Variants in TCF7 observed in about 807,000 individuals in gnomAD.
TCF7 encodes the protein T-cell-factor-7.
TCF7 carries 19 observed loss-of-function variants against 46.8 expected under a neutral mutation model. That is an observed-to-expected ratio of 0.41 (90% CI 0.28 to 0.60). The LOEUF is 0.60. TCF7 is among the 20% of genes least tolerant of loss of function. The pLI, the probability that TCF7 is intolerant of heterozygous loss-of-function variation, is 0.35. For missense variants in TCF7, 547 were observed against 504.6 expected (o/e 1.08, Z -0.81); for synonymous variants, 245 against 213.4 (o/e 1.15, Z -1.29).
chr5:134,129,818 T>C (rs1757858157), intron 3 of TCF7, among the ~76,000 whole-genome samples: 1 of 152,158 alleles, frequency 6.6e-6, no homozygotes, highest in African/African-American at 2.4e-5. Flanking sequence ...CTTTATCTGA[T>C]GTCAAGGCCA....
upstream of TCF7, among the ~76,000 whole-genome samples, chr5:134,110,643 AGCCTCCCGGCG>A (rs1163198777): frequency 6.6e-6 from 1 of 152,256 alleles, no homozygotes. Context: ...CCAGCAGCCC[AGCCTCCCGGCG>A]GCTTTGGGCA....
rs1207723959 is a variant in TCF7, at chr5:134,143,626, A to G, written c.1061A>G (p.Gln354Arg). 1 of 1,614,034 alleles carries G rather than the reference A, an allele frequency of 6.2e-7. No homozygotes were observed. Among genetic ancestry groups the G allele is most frequent in the Admixed American group, 1.7e-5 (1 of 60,018 alleles). ...KKKRRSREKH[Q>R]ESTTGGKRNA... is the part of the protein sequence containing the mutation. ...AAGAGGCGGTCGAGGGAAAAGCACC[A>G]AGAATCCACCACAGGTGAGACCTTC... Residue 354 changes from glutamine (Q) to arginine (R), a missense_variant, in exon 9 of 10, where the codon CAA (glutamine) becomes CGA (arginine). This residue lies in a region of TCF7 where 90 missense variants were observed against 88.8 expected (regional missense o/e 1.01). Coordinates refer to ENST00000342854, the MANE Select transcript of TCF7 (RefSeq NM_003202.5).
chr5:134,118,459 C>G (rs969717626), intron 3 of TCF7, among the ~76,000 whole-genome samples: 3 of 152,196 alleles, frequency 2.0e-5, no homozygotes, highest in Non-Finnish European at 2.9e-5. Context: ...AAAGCCTATA[C>G]CAGGGACCTG....
intron 3 of TCF7, among the ~76,000 whole-genome samples, chr5:134,121,494 C>A (rs1258242600): frequency 1.3e-5 from 2 of 150,866 alleles, no homozygotes; most frequent in Non-Finnish European, 2.9e-5. Flanking sequence ...GAGGCTGAGG[C>A]AGGAGAATCG....
upstream of TCF7, among the ~76,000 whole-genome samples, chr5:134,113,119 C>T (rs1257195223): frequency 6.6e-6 from 1 of 152,192 alleles, no homozygotes; most frequent in Non-Finnish European, 1.5e-5. Flanking sequence ...AGGGCCGAGC[C>T]CCCCCTTCCC....
At chr5:134,113,474 C>T (rs1001590604), upstream of TCF7, among the ~76,000 whole-genome samples, 3 of 152,246 alleles carry the variant, frequency 2.0e-5, no homozygotes, top group Non-Finnish European at 4.4e-5. Context: ...GGCTTTGCAC[C>T]GCTGCCAGGG....
At chr5:134,120,979 C>T (rs1266080678) in intron 3 of TCF7, among the ~76,000 whole-genome samples, 3 of 152,170 alleles carry the variant, frequency 2.0e-5, no homozygotes, top group Non-Finnish European at 4.4e-5. Context: ...TGGCCTGGCT[C>T]CCCTGGGGCC....
At chr5:134,145,320 AC>A (rs756559751) in intron 9 of TCF7, 4 of 538,962 alleles carry the variant, frequency 7.4e-6, no homozygotes, top group Non-Finnish European at 1.5e-5. Flanking sequence ...TGACAACAAC[AC>A]AGAACCATCT....
intron 3 of TCF7, 25 bp from the exon 4 acceptor site, chr5:134,138,034 A>G: frequency 6.7e-7 from 1 of 1,486,760 alleles, no homozygotes; most frequent in Non-Finnish European, 9.3e-7. Flanking sequence ...CGCCACACTC[A>G]CCCACCCTCC....
At position 134,115,944 on chromosome 5, in the gene TCF7, A is replaced by C; in HGVS notation, c.352A>C (p.Lys118Gln). ...CCCGGAGTGCACCAGCGGCATGTACAAAGAGACCGTCTACTCCGCCTTCAA... is the reference window on the plus strand; with the variant it reads ...CCCGGAGTGCACCAGCGGCATGTACCAAGAGACCGTCTACTCCGCCTTCAA... ...KAPECTSGMY[K>Q]ETVYSAFNLL... Residue 118 changes from lysine (K) to glutamine (Q), a missense_variant, in exon 3 of 10, where the codon AAA becomes CAA. Coordinates refer to ENST00000342854, the MANE Select transcript of TCF7 (RefSeq NM_003202.5). The C allele has an allele frequency of 6.2e-7, 1 of 1,613,974 alleles. No individual in the cohort carries two copies. The highest frequency in any genetic ancestry group is 8.5e-7 in the Non-Finnish European group (1 of 1,180,016).
chr5:134,146,790 G>C lies in TCF7; in HGVS notation c.*487G>C, dbSNP rs957085129. 2.0e-6 allele frequency: 1 copy of C among 497,176 alleles called. No individual in the cohort carries two copies. The highest frequency in any genetic ancestry group is 3.5e-6 in the Non-Finnish European group (1 of 282,302). 30.8% of individuals were successfully genotyped at this position (497,176 alleles called of 1,614,324 possible). A position where few individuals can be genotyped will look rare whatever the true frequency, so the allele number is the denominator to read the frequency against. On this transcript the variant is annotated 3_prime_UTR_variant, in exon 10 of 10. Coordinates refer to ENST00000342854, the MANE Select transcript of TCF7 (RefSeq NM_003202.5). ...CCTGCATCTATTCTTTGTACCATCT[G>C]TCTTGCCAGCCAGAAGCCTCTGCCT...
chr5:134,115,691 G>A, intron 2 of TCF7: 1 of 1,430,066 alleles, frequency 7.0e-7, no homozygotes, highest in Non-Finnish European at 9.1e-7. Flanking sequence ...TGGTTGGAGG[G>A]CGGGGGGTGG....
chr5:134,137,960 C>A, intron 3 of TCF7, 99 bp from the exon 4 acceptor site: 1 of 1,038,096 alleles, frequency 9.6e-7, no homozygotes, highest in Non-Finnish European at 1.4e-6. Flanking sequence ...TTTTGGCCAC[C>A]ACTTTTCTTT....
Position 134,115,315 on chromosome 5 carries a change from C to T in TCF7, c.250-6C>T. On this transcript the variant is annotated splice_polypyrimidine_tract_variant and splice_region_variant and intron_variant, in intron 1 of 9. Coordinates refer to ENST00000342854, the MANE Select transcript of TCF7 (RefSeq NM_003202.5). ...GCCCCTCACTCCCCTCCGGTTCTCC[C>T]TCCAGGCTCTCGGGCGGGAACACGC... is the stretch of plus-strand genomic sequence containing the variant. 6.3e-7 allele frequency: 1 copy of T among 1,576,598 alleles called. No individual in the cohort carries two copies. Among genetic ancestry groups the T allele is most frequent in the Non-Finnish European group, 8.6e-7 (1 of 1,162,494 alleles).
Position 134,142,205 on chromosome 5 carries a change from T to TGCTA in TCF7, c.658_661dup (p.Gly221AlafsTer75). 1 of 1,614,124 alleles carries TGCTA rather than the reference T, an allele frequency of 6.2e-7. No homozygotes were observed. The highest frequency in any genetic ancestry group is 8.5e-7 in the Non-Finnish European group (1 of 1,179,942). ...TCCAGGTTCACCCACCCATCCTTGA[T>TGCTA]GCTAGGTTCTGGTGTACCTGGTCAC... On this transcript the variant is annotated frameshift_variant, in exon 6 of 10. Transcript: ENST00000342854. LOFTEE classifies it high-confidence loss of function.
intron 3 of TCF7, among the ~76,000 whole-genome samples, chr5:134,131,205 A>C (rs1758073475): frequency 6.6e-6 from 1 of 152,112 alleles, no homozygotes; most frequent in Admixed American, 6.5e-5. Flanking sequence ...AGACCTGGAG[A>C]GCCCATAAAG....
At position 134,146,675 on chromosome 5, in the gene TCF7, G is replaced by C. The variant is rs941339698; in HGVS notation, c.*372G>C. Reference sequence around the variant, plus strand: ...GCTGCAGGACTTCTGCCTGAACCTGGGGTCATCGATTCAAACTGCTCCAAG... The same window carrying C: ...GCTGCAGGACTTCTGCCTGAACCTGCGGTCATCGATTCAAACTGCTCCAAG... On this transcript the variant is annotated 3_prime_UTR_variant, in exon 10 of 10. Transcript: ENST00000342854. The C allele has an allele frequency of 1.6e-6, 1 of 633,092 alleles. No homozygotes were observed. The highest frequency in any genetic ancestry group is 1.8e-5 in the African/African-American group (1 of 54,148). The allele number at this position is 633,092 out of a possible 1,614,324, so 39.2% of individuals were successfully genotyped here. A position where few individuals can be genotyped will look rare whatever the true frequency, so the allele number is the denominator to read the frequency against.
chr5:134,130,931 A>G (rs867098088), intron 3 of TCF7, among the ~76,000 whole-genome samples: 5 of 152,202 alleles, frequency 3.3e-5, no homozygotes, highest in Admixed American at 6.5e-5. Context: ...AGGACAGATA[A>G]CAGTCAACTA....
chr5:134,119,705 G>C (rs1756311980), intron 3 of TCF7, among the ~76,000 whole-genome samples: 1 of 152,216 alleles, frequency 6.6e-6, no homozygotes, highest in Admixed American at 6.5e-5. Flanking sequence ...GCGTGCCTGG[G>C]GGAGCAGGAG....
Sources: gnomAD v4.1 joint callset for allele counts (sites outside exome capture counted in the v4.1 genomes callset) on GRCh38, gnomAD v4.1.1 for gene constraint, gnomAD v4.1.1 regional missense constraint, MANE v1.5 for transcripts, NCBI Gene and HGNC (gene_info 2026-07-23, HGNC 2026-07-21) for gene names.